Variants in HSPA12A observed in about 807,000 individuals in gnomAD.
The protein encoded by HSPA12A is heat shock protein family A (Hsp70) member 12A, also known as heat shock 70 kDa protein 12A.
In HSPA12A, 28 loss-of-function variants were observed where a neutral mutation model predicts 69.2. That is an observed-to-expected ratio of 0.40 (90% CI 0.30 to 0.55). The LOEUF (loss-of-function observed/expected upper bound fraction) is 0.55, where lower values mean the gene tolerates loss of function less well. HSPA12A is among the 20% of genes least tolerant of loss of function. The pLI, the probability that HSPA12A is intolerant of heterozygous loss-of-function variation, is 0.38. For synonymous variants in HSPA12A, 345 were observed against 370.5 expected (o/e 0.93, Z 0.79); for missense variants, 686 against 900.7 (o/e 0.76, Z 3.05).
At chr10:116,726,027 G>GCACACACACACACACACACACACA (rs71013613) in intron 1 of HSPA12A, among the ~76,000 whole-genome samples, 2 of 146,114 alleles carry the variant, frequency 1.4e-5, no homozygotes, top group African/African-American at 5.1e-5. Context: ...ACACACACAC[G>GCACACACACACACACACACACACA]CACACACACA....
At chr10:116,803,016 G>T (rs967631967) in intron 2 of HSPA12A, among the ~76,000 whole-genome samples, 9 of 151,896 alleles carry the variant, frequency 5.9e-5, no homozygotes, top group African/African-American at 2.2e-4. Flanking sequence ...ACAGAACAGG[G>T]CAAGAAATAA....
intron 2 of HSPA12A, among the ~76,000 whole-genome samples, chr10:116,818,902 G>A (rs1426871782): frequency 6.6e-6 from 1 of 152,004 alleles, no homozygotes; most frequent in Non-Finnish European, 1.5e-5. Context: ...AGCAATCATC[G>A]CACCTAAGGG....
intron 2 of HSPA12A, among the ~76,000 whole-genome samples, chr10:116,781,912 A>C (rs1308741128): frequency 6.6e-6 from 1 of 152,218 alleles, no homozygotes; most frequent in Non-Finnish European, 1.5e-5. Context: ...GGTTAAAATT[A>C]AGATCATAAC....
At chr10:116,721,408 A>C (rs1184753189) in intron 1 of HSPA12A, among the ~76,000 whole-genome samples, 1 of 152,128 alleles carries the variant, frequency 6.6e-6, no homozygotes, top group Admixed American at 6.5e-5. Context: ...AGAGCGTCCC[A>C]CCTGAGGCCA....
intron 2 of HSPA12A, among the ~76,000 whole-genome samples, chr10:116,795,549 G>A (rs1390406825): frequency 3.3e-5 from 5 of 150,820 alleles, no homozygotes; most frequent in Non-Finnish European, 7.4e-5. Context: ...AGCCAGGCGT[G>A]GTGGAACGTG....
chr10:116,759,087 C>G (rs1421382256), intron 2 of HSPA12A, among the ~76,000 whole-genome samples: 1 of 152,254 alleles, frequency 6.6e-6, no homozygotes, highest in Non-Finnish European at 1.5e-5. Context: ...TGTCAGCCAG[C>G]TCTTCCTCTC....
intron 2 of HSPA12A, chr10:116,827,653 T>C (rs1450108428): frequency 6.6e-6 from 1 of 152,256 alleles, no homozygotes; most frequent in African/African-American, 2.4e-5. Context: ...GGGTGTTGTT[T>C]GCTCAAGTCC....
intron 1 of HSPA12A, among the ~76,000 whole-genome samples, chr10:116,845,626 C>T (rs76573879): frequency 0.046 from 6,943 of 152,178 alleles, 491 homozygotes; most frequent in African/African-American, 0.15. Flanking sequence ...TTCTTCCCTC[C>T]CATCGTCAGC....
At chr10:116,687,796 C>T (rs1554879710) in intron 6 of HSPA12A, among the ~76,000 whole-genome samples, 3 of 152,176 alleles carry the variant, frequency 2.0e-5, no homozygotes, top group Admixed American at 6.5e-5. Context: ...AGAGAAGGTG[C>T]CTCATGGTTA....
At chr10:116,799,132 T>C (rs1844901075) in intron 2 of HSPA12A, among the ~76,000 whole-genome samples, 1 of 152,162 alleles carries the variant, frequency 6.6e-6, no homozygotes, top group Non-Finnish European at 1.5e-5. Flanking sequence ...CTCCCACTCC[T>C]GGACATGGAT....
At chr10:116,831,738 G>A (rs1261248645) in intron 2 of HSPA12A, 2 of 152,204 alleles carry the variant, frequency 1.3e-5, no homozygotes, top group African/African-American at 4.8e-5. Context: ...TTTTGTTTTA[G>A]TGACTAATTG....
chr10:116,738,126 T>C (rs1272496407), intron 1 of HSPA12A, among the ~76,000 whole-genome samples: 1 of 152,230 alleles, frequency 6.6e-6, no homozygotes, highest in Non-Finnish European at 1.5e-5. Flanking sequence ...AGAGAGCATT[T>C]CGCCCCCACA....
upstream of HSPA12A, among the ~76,000 whole-genome samples, chr10:116,745,573 G>C (rs550932861): frequency 1.3e-5 from 2 of 152,274 alleles, no homozygotes; most frequent in South Asian, 4.2e-4. Flanking sequence ...GCCCAGCCCA[G>C]AGCCAAGTGA....
intron 2 of HSPA12A, chr10:116,831,940 G>T (rs1407444895): frequency 6.6e-6 from 1 of 152,340 alleles, no homozygotes; most frequent in East Asian, 1.9e-4. Context: ...AGCTGTGCAG[G>T]TCAGGACTCC....
upstream of HSPA12A, among the ~76,000 whole-genome samples, chr10:116,747,247 A>G (rs1482622464): frequency 6.6e-6 from 1 of 152,268 alleles, no homozygotes; most frequent in Admixed American, 6.5e-5. Context: ...TTCAAGGGCC[A>G]GAGGAAATTA....
intron 1 of HSPA12A, among the ~76,000 whole-genome samples, chr10:116,720,933 C>T (rs1490399562): frequency 1.3e-5 from 2 of 152,204 alleles, no homozygotes; most frequent in Non-Finnish European, 2.9e-5. Context: ...GCCCAGGATG[C>T]AGGGACACCC....
At chr10:116,771,498 A>T (rs1554890485) in intron 2 of HSPA12A, among the ~76,000 whole-genome samples, 1 of 152,222 alleles carries the variant, frequency 6.6e-6, no homozygotes. Flanking sequence ...GGAATATTTT[A>T]AGCAACGAAA....
Position 116,683,832 on chromosome 10 carries a change from C to T in HSPA12A, c.794G>A (p.Gly265Glu), listed in dbSNP as rs370309428. Residue 265 changes from glycine to glutamate, a missense_variant, in exon 7 of 12, where the codon GGG becomes GAG. Physicochemically the swap from Gly to Glu is moderately conservative, Grantham distance 98 (BLOSUM62 -2). Coordinates refer to ENST00000369209, the MANE Select transcript of HSPA12A (RefSeq NM_025015.3). ...IELSSKAAVNGYSGSDTVGAG... is the reference protein window; with the variant it reads ...IELSSKAAVNEYSGSDTVGAG... Reference sequence around the variant, plus strand: ...TCCTACTGTGTCACTGCCGCTGTACCCATTGACGGCTGCCTTGCTGCTCAG... The same window carrying T: ...TCCTACTGTGTCACTGCCGCTGTACTCATTGACGGCTGCCTTGCTGCTCAG... The T allele has an allele frequency of 1.3e-6, 2 of 1,592,908 alleles. No individual in the cohort carries two copies. Among genetic ancestry groups the T allele is most frequent in the Non-Finnish European group, 1.7e-6 (2 of 1,163,332 alleles).
chr10:116,835,058 T>C, intron 1 of HSPA12A: 1 of 1,199,572 alleles, frequency 8.3e-7, no homozygotes, highest in Non-Finnish European at 1.0e-6. Flanking sequence ...ACTGTGAAAA[T>C]GTCGATTTGT....
Sources: gnomAD v4.1 joint callset for allele counts (sites outside exome capture counted in the v4.1 genomes callset) on GRCh38, gnomAD v4.1.1 for gene constraint, MANE v1.5 for transcripts, NCBI Gene and HGNC (gene_info 2026-07-23, HGNC 2026-07-21) for gene names.